The following EIF2D variants were observed in gnomAD, a reference collection of about 807,000 sequenced individuals.
EIF2D encodes the protein hepatocellular carcinoma-associated antigen 56.
A neutral mutation model predicts 77.4 loss-of-function variants in EIF2D; 56 were observed. The observed-to-expected ratio is 0.72, with a 90% CI of 0.58 to 0.90. EIF2D has a LOEUF of 0.90. EIF2D is among the 40% of genes least tolerant of loss of function. The pLI is 0.00. For synonymous variants in EIF2D, 230 were observed against 271.0 expected, an observed-to-expected ratio of 0.85 and a Z score of 1.49; for missense variants, 574 against 706.5, an observed-to-expected ratio of 0.81 and a Z score of 2.13.
Position 206,595,825 on chromosome 1 carries a change from A to G in EIF2D, c.1402T>C (p.Leu468=), listed in dbSNP as rs781885027. ...AGGGTCACTTGATAGGCAGGCTGTA[A>G]TTTTTCCAAACACCTGAAACAGAAG... The part of the protein sequence containing the change: ...DSLLTRCLEK[L]QPAYQVTLPG... Residue 468 remains leucine (L), a synonymous_variant, in exon 13 of 15, where the codon TTA becomes CTA. Coordinates refer to ENST00000271764, the MANE Select transcript of EIF2D (RefSeq NM_006893.3). 6.2e-7 allele frequency: 1 copy of G among 1,613,960 alleles called. No individual in the cohort carries two copies. The highest frequency in any genetic ancestry group is 8.5e-7 in the Non-Finnish European group (1 of 1,179,924).
chr1:206,572,050 GAGGA>G (rs1668470872), intron 5 of EIF2D, among the ~76,000 whole-genome samples: 1 of 152,198 alleles, frequency 6.6e-6, no homozygotes, highest in Non-Finnish European at 1.5e-5. Flanking sequence ...TTCAGAAGCA[GAGGA>G]CAGAATTCTC....
chr1:206,606,103 C>G (rs150219166), intron 4 of EIF2D, among the ~76,000 whole-genome samples: 149 of 152,284 alleles, frequency 9.8e-4, no homozygotes, highest in Non-Finnish European at 1.6e-3. Flanking sequence ...CAGAAACTTC[C>G]AAAGCCCAGA....
At chr1:206,580,562 A>G (rs1668831760) in intron 4 of EIF2D, 1 of 152,200 alleles carries the variant, frequency 6.6e-6, no homozygotes, top group Non-Finnish European at 1.5e-5. Flanking sequence ...AGGACTGAGG[A>G]TGGGGAGCTC....
intron 4 of EIF2D, among the ~76,000 whole-genome samples, chr1:206,573,460 A>G (rs530149001): frequency 2.0e-5 from 3 of 152,220 alleles, no homozygotes; most frequent in Non-Finnish European, 4.4e-5. Flanking sequence ...GGGACGCCAT[A>G]GAGGGCAAGA....
chr1:206,593,612 T>C lies in EIF2D; in HGVS notation c.1684+7A>G, dbSNP rs557111455. 6.3e-7 allele frequency: 1 copy of C among 1,599,224 alleles called. No homozygotes were observed. The highest frequency in any genetic ancestry group is 1.1e-5 in the South Asian group (1 of 90,070). On this transcript the variant is annotated splice_region_variant and intron_variant, in intron 14 of 14. Transcript: ENST00000271764. Reference sequence around the variant, plus strand: ...CAATGCCTCCACTCTTCAGAGGGGATGCTCACCAAGCAATAGCCAGCCGAG... The same window carrying C: ...CAATGCCTCCACTCTTCAGAGGGGACGCTCACCAAGCAATAGCCAGCCGAG...
intron 7 of EIF2D, 184 bp downstream of exon 7, chr1:206,602,152 G>A: frequency 1.9e-6 from 1 of 536,680 alleles, no homozygotes; most frequent in Admixed American, 3.3e-5. Context: ...TAACAGCCCA[G>A]CAAGCTAAGA....
intron 11 of EIF2D, among the ~76,000 whole-genome samples, 175 bp downstream of exon 11, chr1:206,598,828 C>T (rs931059302): frequency 8.1e-6 from 1 of 122,906 alleles, no homozygotes; most frequent in Admixed American, 8.0e-5. Flanking sequence ...TGGATCTGAA[C>T]ACCCCAGACA....
chr1:206,605,924 A>G (rs1382722423), intron 4 of EIF2D, among the ~76,000 whole-genome samples: 1 of 152,240 alleles, frequency 6.6e-6, no homozygotes, highest in African/African-American at 2.4e-5. Context: ...TTCATATATC[A>G]TAAATTAGGC....
At chr1:206,576,666 T>A (rs1030238109) in intron 4 of EIF2D, among the ~76,000 whole-genome samples, 7 of 152,180 alleles carry the variant, frequency 4.6e-5, no homozygotes, top group Non-Finnish European at 1.0e-4. Context: ...GATGGAGAGA[T>A]GGCTATAGAC....
downstream of EIF2D, chr1:206,591,636 G>T: frequency 1.3e-6 from 1 of 796,090 alleles, no homozygotes; most frequent in Non-Finnish European, 2.0e-6. Context: ...CAAGAGGGAA[G>T]TCAGATTTAG....
At chr1:206,582,808 G>A (rs368237284) in intron 2 of EIF2D, among the ~76,000 whole-genome samples, 21 of 152,304 alleles carry the variant, frequency 1.4e-4, no homozygotes, top group South Asian at 4.1e-4. Context: ...ATGGGTAGAC[G>A]CCTGTCCCTC....
downstream of EIF2D, among the ~76,000 whole-genome samples, chr1:206,569,465 C>T (rs1330586326): frequency 6.6e-6 from 1 of 152,176 alleles, no homozygotes; most frequent in Non-Finnish European, 1.5e-5. Flanking sequence ...AGATGTCAGA[C>T]TCCATTAATC....
intron 2 of EIF2D, chr1:206,583,471 C>G: frequency 1.2e-6 from 1 of 858,042 alleles, no homozygotes; most frequent in Non-Finnish European, 2.0e-6. Context: ...TGTGGCTACT[C>G]CCTGGCAGGT....
At chr1:206,572,286 A>C (rs1247752799) in intron 5 of EIF2D, among the ~76,000 whole-genome samples, 1 of 152,186 alleles carries the variant, frequency 6.6e-6, no homozygotes, top group East Asian at 1.9e-4. Context: ...TCAGTGAACA[A>C]GCCAAAGACC....
In EIF2D at chr1:206,599,891, A is replaced by G; in HGVS notation, c.949-55T>C. On this transcript the variant is annotated intron_variant, in intron 8 of 14. Transcript: ENST00000271764. This position sits in a 1 kb window ranked among gnomAD's most constrained non-coding sequence, Gnocchi z 4.1. ...CTTCATTGATTCCACACACATACTG[A>G]GCACCCAGGATGTGCCAGAGTGAGC... 2.6e-6 allele frequency: 4 copies of G among 1,521,092 alleles called. No individual in the cohort carries two copies. The highest frequency in any genetic ancestry group is 3.6e-6 in the Non-Finnish European group (4 of 1,099,166). 94.2% of individuals were successfully genotyped at this position (1,521,092 alleles called of 1,614,324 possible). A position where few individuals can be genotyped will look rare whatever the true frequency, so the allele number is the denominator to read the frequency against.
Position 206,603,276 on chromosome 1 carries a change from A to G in EIF2D, c.531-72T>C, listed in dbSNP as rs1670020609. The G allele has an allele frequency of 3.8e-6, 6 of 1,562,796 alleles. No homozygotes were observed. The East Asian group carries it at 1.1e-4, about 29-fold the overall frequency. ...CTCCAGCCCTGGCCACAGAGGAGTCAGCAGTGAGGTCAGAGACAGCAGAGA... is the reference window on the plus strand; with the variant it reads ...CTCCAGCCCTGGCCACAGAGGAGTCGGCAGTGAGGTCAGAGACAGCAGAGA... On this transcript the variant is annotated intron_variant, in intron 5 of 14. Transcript: ENST00000271764.
At chr1:206,586,931 C>T, downstream of EIF2D, 1 of 1,614,166 alleles carries the variant, frequency 6.2e-7, no homozygotes, top group Non-Finnish European at 8.5e-7. Context: ...CAAGTTTAGG[C>T]AGAAACTGGA....
downstream of EIF2D, chr1:206,587,580 G>C (rs1669169531): frequency 1.3e-5 from 2 of 156,438 alleles, no homozygotes; most frequent in Admixed American, 1.3e-4. Context: ...CAAAGCTGAG[G>C]CTGGCTCAGA....
At chr1:206,605,588 T>C (rs1670169403) in intron 4 of EIF2D, 81 bp from the exon 5 acceptor site, 3 of 1,222,840 alleles carry the variant, frequency 2.5e-6, no homozygotes, top group Non-Finnish European at 3.5e-6. Flanking sequence ...CTGACACATG[T>C]GGTAAAAATA....
Sources: allele counts gnomAD v4.1 joint callset (sites outside exome capture counted in the v4.1 genomes callset), GRCh38; gene constraint gnomAD v4.1.1; non-coding constraint Gnocchi (gnomAD v3.1); transcripts MANE v1.5; gene names NCBI Gene and HGNC (gene_info 2026-07-23, HGNC 2026-07-21).